Variants in GPATCH1 observed in about 807,000 individuals in gnomAD.
The protein encoded by GPATCH1 is G-patch domain containing 1, also known as G patch domain-containing protein 1.
A neutral mutation model predicts 114.9 loss-of-function variants in GPATCH1; 73 were observed. The observed-to-expected ratio is 0.64, with a 90% CI of 0.53 to 0.77. The LOEUF is 0.77. Ranked by LOEUF, GPATCH1 falls within the 30% of genes least tolerant of loss-of-function variation. The pLI, the probability that GPATCH1 is intolerant of heterozygous loss-of-function variation, is 0.00. For missense variants in GPATCH1, 1,058 were observed against 1,144.3 expected, an observed-to-expected ratio of 0.92 and a Z score of 1.09; for synonymous variants, 391 against 428.4, an observed-to-expected ratio of 0.91 and a Z score of 1.08.
In GPATCH1 at chr19:33,096,267, G is replaced by A. The variant is rs1276326057; in HGVS notation, c.673G>A (p.Val225Met). The A allele has an allele frequency of 1.2e-6, 2 of 1,613,520 alleles. No homozygotes were observed. Among genetic ancestry groups the A allele is most frequent in the East Asian group, 2.2e-5 (1 of 44,880 alleles). ...CTTTGCACCCAAAGATGTCACACCT[G>A]TGGATTTCACACCTAAAGATAATGT... ...VTFAPKDVTP[V>M]DFTPKDNVHG... The change falls in exon 7 of 20, where the codon GTG (valine) becomes ATG (methionine). Residue 225 changes from valine to methionine, a missense_variant. Coordinates refer to ENST00000170564, the MANE Select transcript of GPATCH1 (RefSeq NM_018025.3).
intron 9 of GPATCH1, among the ~76,000 whole-genome samples, chr19:33,103,369 A>G (rs1972748079): frequency 6.6e-6 from 1 of 152,172 alleles, no homozygotes; most frequent in Admixed American, 6.5e-5. Flanking sequence ...AATGTCAAAT[A>G]ACATTAAAGG....
At position 33,094,163 on chromosome 19, in the gene GPATCH1, C is replaced by T. The variant is rs1972628391; in HGVS notation, c.456-9C>T. On this transcript the variant is annotated splice_polypyrimidine_tract_variant and intron_variant, in intron 4 of 19. Transcript: ENST00000170564. The stretch of plus-strand genomic sequence containing the variant: ...TGAAAAGTTCATTTTCAATGCCTTG[C>T]TATCCTAGATTATCTGTTGGTTTCG... The T allele has an allele frequency of 1.4e-6, 2 of 1,418,198 alleles. No homozygotes were observed. The highest frequency in any genetic ancestry group is 2.0e-6 in the Non-Finnish European group (2 of 1,001,978). 87.9% of individuals were successfully genotyped at this position (1,418,198 alleles called of 1,614,324 possible).
chr19:33,095,555 G>A (rs1051789866), intron 5 of GPATCH1, among the ~76,000 whole-genome samples: 2 of 151,632 alleles, frequency 1.3e-5, no homozygotes, highest in South Asian at 2.1e-4. Flanking sequence ...GAGCCGCTGC[G>A]CCCAGCCTTT....
chr19:33,127,575 A>G (rs544584700), intron 19 of GPATCH1, among the ~76,000 whole-genome samples: 1 of 151,966 alleles, frequency 6.6e-6, no homozygotes, highest in Admixed American at 6.6e-5. Context: ...TGCTTAAAGG[A>G]GCCCTGACTA....
chr19:33,083,571 T>G (rs1045890220), intron 1 of GPATCH1, among the ~76,000 whole-genome samples: 3 of 151,416 alleles, frequency 2.0e-5, no homozygotes, highest in African/African-American at 7.3e-5. Flanking sequence ...ATTTTTGTAT[T>G]TTTAGTAGAG....
chr19:33,130,023 A>G, intron 19 of GPATCH1, 107 bp from the exon 20 acceptor site: 2 of 777,186 alleles, frequency 2.6e-6, no homozygotes, highest in Non-Finnish European at 4.6e-6. Context: ...AGGTGCAGAC[A>G]TGCTGCTGTG....
chr19:33,094,765 G>A (rs1047879762), intron 5 of GPATCH1, among the ~76,000 whole-genome samples: 1 of 152,144 alleles, frequency 6.6e-6, no homozygotes, highest in African/African-American at 2.4e-5. Context: ...CAGACTGTAA[G>A]TGACTCTTTG....
intron 9 of GPATCH1, among the ~76,000 whole-genome samples, chr19:33,104,418 C>T (rs889724023): frequency 2.6e-5 from 4 of 152,028 alleles, no homozygotes; most frequent in Non-Finnish European, 5.9e-5. Context: ...TGCCATGTTC[C>T]TCTGGGTTTT....
intron 4 of GPATCH1, among the ~76,000 whole-genome samples, chr19:33,093,721 T>TG (rs1260824515): frequency 6.6e-6 from 1 of 152,194 alleles, no homozygotes; most frequent in Non-Finnish European, 1.5e-5. Context: ...GCTGTGCTGC[T>TG]GGGGCTCTCA....
intron 3 of GPATCH1, among the ~76,000 whole-genome samples, chr19:33,092,108 G>A (rs527459125): frequency 2.0e-5 from 3 of 151,496 alleles, no homozygotes; most frequent in South Asian, 2.1e-4. Flanking sequence ...GTGCAGTGGC[G>A]CTATCTCGGC....
chr19:33,123,058 C>T (rs572791101), intron 17 of GPATCH1, among the ~76,000 whole-genome samples: 2 of 144,348 alleles, frequency 1.4e-5, no homozygotes, highest in South Asian at 4.5e-4. Flanking sequence ...GGTGACAAAG[C>T]GAGATGCTGT....
At chr19:33,129,675 C>T (rs750514374) in intron 19 of GPATCH1, among the ~76,000 whole-genome samples, 1 of 151,044 alleles carries the variant, frequency 6.6e-6, no homozygotes, top group Non-Finnish European at 1.5e-5. Flanking sequence ...TGGCCGGGTA[C>T]GGTGGCTCAT....
At chr19:33,114,522 T>C in intron 15 of GPATCH1, 103 bp downstream of exon 15, 2 of 894,932 alleles carry the variant, frequency 2.2e-6, no homozygotes, top group South Asian at 3.7e-5. Flanking sequence ...GGCAGCCAAC[T>C]ATTGATCCAT....
intron 1 of GPATCH1, among the ~76,000 whole-genome samples, chr19:33,085,375 A>G (rs1014682444): frequency 6.6e-6 from 1 of 151,952 alleles, no homozygotes; most frequent in Non-Finnish European, 1.5e-5. Context: ...GCATACCACC[A>G]TGCCCGGCTA....
chr19:33,106,645 A>G (rs372428942), intron 9 of GPATCH1, 50 bp from the exon 10 acceptor site: 383 of 1,465,068 alleles, frequency 2.6e-4, no homozygotes, highest in Non-Finnish European at 3.5e-4. Flanking sequence ...GATTAAATCA[A>G]ACATGATCTT....
At chr19:33,115,186 G>A (rs1482605304) in intron 15 of GPATCH1, among the ~76,000 whole-genome samples, 3 of 143,998 alleles carry the variant, frequency 2.1e-5, no homozygotes, top group South Asian at 2.2e-4. Flanking sequence ...AGCCTCCTGA[G>A]TAGTTGGGAC....
chr19:33,088,375 C>T (rs1041982869), intron 2 of GPATCH1, 107 bp downstream of exon 2: 6 of 833,444 alleles, frequency 7.2e-6, no homozygotes, highest in African/African-American at 3.6e-5. Flanking sequence ...ACAAGAGTCT[C>T]GCTCTGTCGC....
chr19:33,114,628 G>A (rs1401376952), intron 15 of GPATCH1, among the ~76,000 whole-genome samples: 2 of 152,054 alleles, frequency 1.3e-5, no homozygotes, highest in African/African-American at 4.8e-5. Context: ...GTGAATATAA[G>A]TTTTCATTTC....
intron 8 of GPATCH1, 84 bp downstream of exon 8, chr19:33,097,986 C>A: frequency 8.0e-7 from 1 of 1,247,218 alleles, no homozygotes; most frequent in Non-Finnish European, 1.1e-6. Flanking sequence ...TACAGGAGCA[C>A]CAGCCTCTGT....
Sources: gnomAD v4.1 joint callset for allele counts (sites outside exome capture counted in the v4.1 genomes callset) on GRCh38, gnomAD v4.1.1 for gene constraint, MANE v1.5 for transcripts, NCBI Gene and HGNC (gene_info 2026-07-23, HGNC 2026-07-21) for gene names.